Variants in PTPN14 observed in about 807,000 individuals in gnomAD.
PTPN14 encodes protein tyrosine phosphatase non-receptor type 14.
Under a neutral mutation model 126.8 loss-of-function variants are expected in PTPN14, and 53 were observed. The observed-to-expected ratio is 0.42, with a 90% confidence interval of 0.34 to 0.53. The LOEUF is 0.53. Ranked by LOEUF, PTPN14 falls within the 20% of genes least tolerant of loss-of-function variation. The pLI is 0.08. For synonymous variants in PTPN14, 630 were observed against 599.3 expected, an observed-to-expected ratio of 1.05 and a Z score of -0.75; for missense variants, 1,257 against 1,552.9, an observed-to-expected ratio of 0.81 and a Z score of 3.20.
At chr1:214,549,018 A>C (rs1418397731) in intron 1 of PTPN14, among the ~76,000 whole-genome samples, 1 of 152,180 alleles carries the variant, frequency 6.6e-6, no homozygotes, top group African/African-American at 2.4e-5. Context: ...GCAGGTCCCT[A>C]CACCTTCAGG....
At chr1:214,487,808 C>T (rs1466404934) in intron 1 of PTPN14, among the ~76,000 whole-genome samples, 1 of 152,118 alleles carries the variant, frequency 6.6e-6, no homozygotes, top group South Asian at 2.1e-4. Context: ...TTGTAAGGCC[C>T]CTTCTCTAAC....
intron 2 of PTPN14, 34 bp from the exon 3 acceptor site, chr1:214,452,008 C>A: frequency 2.5e-6 from 4 of 1,594,060 alleles, no homozygotes; most frequent in Non-Finnish European, 3.4e-6. Flanking sequence ...TCAGTTCATG[C>A]TCACCACAAG....
At chr1:214,428,982 G>C (rs1386845628) in intron 3 of PTPN14, among the ~76,000 whole-genome samples, 1 of 152,126 alleles carries the variant, frequency 6.6e-6, no homozygotes, top group African/African-American at 2.4e-5. Context: ...GAAGTTTCTT[G>C]TTTCTATGAA....
At chr1:214,462,851 A>T (rs1660542509) in intron 2 of PTPN14, among the ~76,000 whole-genome samples, 1 of 152,240 alleles carries the variant, frequency 6.6e-6, no homozygotes, top group South Asian at 2.1e-4. Flanking sequence ...TTCTTTAACA[A>T]AAAATGGGTT....
At chr1:214,416,014 T>A (rs1008148322) in intron 3 of PTPN14, among the ~76,000 whole-genome samples, 15 of 152,362 alleles carry the variant, frequency 9.8e-5, no homozygotes, top group African/African-American at 3.4e-4. Flanking sequence ...CTCATCTACA[T>A]GCCATTCATT....
At position 214,490,762 on chromosome 1, in the gene PTPN14, G is replaced by A. The variant is rs150852047; in HGVS notation, c.-154-25805C>T. Among the ~76,000 whole-genome samples, 1,099 of 148,050 alleles carry A rather than the reference G, an allele frequency of 7.4e-3. 30 individuals carry two copies. Among genetic ancestry groups the A allele is most frequent in the East Asian group, 0.036 (179 of 4,952 alleles). ...TACAGCAGAAGAATCACTTGAACCC[G>A]GGAGGTGGAGGTTGCAGTGAGCCGA... On this transcript the variant is annotated intron_variant, in intron 1 of 18. Transcript: ENST00000366956.
At chr1:214,397,828 TA>T (rs534073872) in intron 8 of PTPN14, 84 bp downstream of exon 8, 83 of 1,142,534 alleles carry the variant, frequency 7.3e-5, no homozygotes, top group Non-Finnish European at 9.5e-5. Flanking sequence ...GTTTGGCTCT[TA>T]ACTCATTTGG....
intron 1 of PTPN14, among the ~76,000 whole-genome samples, chr1:214,536,510 C>T (rs1655712236): frequency 6.6e-6 from 1 of 151,988 alleles, no homozygotes; most frequent in Non-Finnish European, 1.5e-5. Context: ...GTTAGCTGGG[C>T]ATGGTGGCTC....
intron 1 of PTPN14, among the ~76,000 whole-genome samples, chr1:214,544,704 T>C (rs141162528): frequency 0.016 from 2,354 of 151,096 alleles, 62 homozygotes; most frequent in African/African-American, 0.054. Context: ...TGAGCCGAGA[T>C]AGCACCACTG....
At chr1:214,514,718 T>C (rs1026977723) in intron 1 of PTPN14, among the ~76,000 whole-genome samples, 1 of 152,040 alleles carries the variant, frequency 6.6e-6, no homozygotes, top group Non-Finnish European at 1.5e-5. Context: ...CAAACAAGCC[T>C]TCACCCCATG....
intron 1 of PTPN14, among the ~76,000 whole-genome samples, chr1:214,503,721 AG>A (rs778535085): frequency 1.4e-4 from 21 of 152,266 alleles, no homozygotes; most frequent in Non-Finnish European, 2.8e-4. Context: ...ACTTAGCTGC[AG>A]GAAGAACACA....
In PTPN14 at chr1:214,364,761, T is replaced by C; in HGVS notation, c.3272-86A>G. On this transcript the variant is annotated intron_variant, in intron 17 of 18. Transcript: ENST00000366956. This position sits in a 1 kb window ranked among gnomAD's most constrained non-coding sequence, Gnocchi z 4.1. Reference sequence around the variant, plus strand: ...GGAGGGGGGAGCGGAAGAGAACTGATGGTGAGTGTGTGTGTGTGTGTGTGT... The same window carrying C: ...GGAGGGGGGAGCGGAAGAGAACTGACGGTGAGTGTGTGTGTGTGTGTGTGT... The C allele has an allele frequency of 5.3e-6, 4 of 749,154 alleles. No individual in the cohort carries two copies. Among genetic ancestry groups the C allele is most frequent in the Non-Finnish European group, 7.7e-6 (4 of 519,788 alleles). The allele number at this position is 749,154 out of a possible 1,614,324, so 46.4% of individuals were successfully genotyped here.
chr1:214,464,726 G>T lies in PTPN14; in HGVS notation c.78C>A (p.Arg26=). The T allele has an allele frequency of 1.2e-6, 2 of 1,614,288 alleles. No individual in the cohort carries two copies. Among genetic ancestry groups the T allele is most frequent in the Non-Finnish European group, 1.7e-6 (2 of 1,180,054 alleles). The part of the protein sequence containing the change: ...LSKNCFVTRI[R]LLDSNVIECT... The stretch of plus-strand genomic sequence containing the variant: ...ACTCGATAACATTGCTGTCCAGCAG[G>T]CGAATCCGTGTGACAAAGCAGTTCT... Residue 26 remains arginine (R), a synonymous_variant, in exon 2 of 19, where the codon CGC becomes CGA. Transcript: ENST00000366956.
At chr1:214,463,019 C>A (rs908300405) in intron 2 of PTPN14, among the ~76,000 whole-genome samples, 2 of 152,108 alleles carry the variant, frequency 1.3e-5, no homozygotes, top group Non-Finnish European at 2.9e-5. Context: ...ACTTACGCCT[C>A]AAAAGACTCA....
chr1:214,373,417 C>T (rs1437446890), intron 15 of PTPN14, among the ~76,000 whole-genome samples: 3 of 152,196 alleles, frequency 2.0e-5, no homozygotes, highest in Non-Finnish European at 4.4e-5. Context: ...AAACCATACA[C>T]ATACACACAT....
In PTPN14 at chr1:214,383,776, G is replaced by T. The variant is rs572017024; in HGVS notation, c.2079C>A (p.His693Gln). ...TGGCATCAGAGAAGGTCTTCTTGTG[G>T]TGATACTGAGGGAGCTGGGGGACCT... ...SHEVPQLPQY[H>Q]HKKTFSDATM... Residue 693 changes from histidine (H) to glutamine (Q), a missense_variant, in exon 13 of 19, where the codon CAC becomes CAA. This residue lies in a region of PTPN14 where 1,021 missense variants were observed against 1,183.3 expected (regional missense o/e 0.86). Transcript: ENST00000366956. This position sits in a 1 kb window ranked among gnomAD's most constrained non-coding sequence, Gnocchi z 4.4. 1 of 1,613,202 alleles carries T rather than the reference G, an allele frequency of 6.2e-7. No individual in the cohort carries two copies. The highest frequency in any genetic ancestry group is 1.1e-5 in the South Asian group (1 of 91,084).
chr1:214,494,162 C>T (rs1169903681), intron 1 of PTPN14, among the ~76,000 whole-genome samples: 1 of 152,132 alleles, frequency 6.6e-6, no homozygotes, highest in Non-Finnish European at 1.5e-5. Context: ...GCTCCGCCTC[C>T]CAGGTTCACG....
rs527263158 is a variant in PTPN14, at chr1:214,354,820, A to C, written c.*3102T>G. On this transcript the variant is annotated 3_prime_UTR_variant, in exon 19 of 19. Transcript: ENST00000366956. Reference sequence around the variant, plus strand: ...CTTCAAATCCAAACTGCAGCAATAGACACTGACAGCTCCAGCTTCAGACTT... The same window carrying C: ...CTTCAAATCCAAACTGCAGCAATAGCCACTGACAGCTCCAGCTTCAGACTT... 1.3e-5 allele frequency: 2 copies of C among 152,342 alleles called. No individual in the cohort carries two copies. Among genetic ancestry groups the C allele is most frequent in the Admixed American group, 6.5e-5 (1 of 15,306 alleles). The allele number at this position is 152,342 out of a possible 1,614,324, so 9.4% of individuals were successfully genotyped here.
chr1:214,492,055 T>A (rs1428767421), intron 1 of PTPN14, among the ~76,000 whole-genome samples: 1 of 152,182 alleles, frequency 6.6e-6, no homozygotes, highest in East Asian at 1.9e-4. Context: ...GAGGATTTTC[T>A]TTTTCTACTC....
Sources: gnomAD v4.1 joint callset for allele counts (sites outside exome capture counted in the v4.1 genomes callset) on GRCh38, gnomAD v4.1.1 for gene constraint, gnomAD v4.1.1 regional missense constraint, Gnocchi (gnomAD v3.1) non-coding constraint, MANE v1.5 for transcripts, NCBI Gene and HGNC (gene_info 2026-07-23, HGNC 2026-07-21) for gene names.